The following FAT3 variants were observed in gnomAD, a reference collection of about 807,000 sequenced individuals.
FAT3 encodes the protein protocadherin Fat 3.
A neutral mutation model predicts 310.2 loss-of-function variants in FAT3; 95 were observed. That is an observed-to-expected ratio of 0.31 (90% confidence interval 0.26 to 0.36). The LOEUF is 0.36. FAT3 is among the 10% of genes least tolerant of loss of function. The pLI is 1.00. For synonymous variants in FAT3, 2,314 were observed against 2,192.9 expected (o/e 1.06, Z -1.54); for missense variants, 5,408 against 5,715.6 (o/e 0.95, Z 1.74).
At chr11:92,566,884 A>C (rs1197300455) in intron 3 of FAT3, among the ~76,000 whole-genome samples, 1 of 152,214 alleles carries the variant, frequency 6.6e-6, no homozygotes, top group Non-Finnish European at 1.5e-5. Flanking sequence ...ACAAAAATCA[A>C]TTCAAGATGG....
chr11:92,810,811 A>G (rs1947649091), intron 13 of FAT3, among the ~76,000 whole-genome samples: 2 of 152,200 alleles, frequency 1.3e-5, no homozygotes, highest in East Asian at 1.9e-4. Context: ...ATGATGGAAT[A>G]TAAATACAAA....
chr11:92,665,205 C>T (rs1045263779), intron 3 of FAT3, among the ~76,000 whole-genome samples: 4 of 152,182 alleles, frequency 2.6e-5, no homozygotes, highest in East Asian at 1.9e-4. Flanking sequence ...CACAAATGCA[C>T]GTTGGCATTT....
chr11:92,275,479 C>A (rs1946245775), intron 1 of FAT3, among the ~76,000 whole-genome samples: 1 of 151,916 alleles, frequency 6.6e-6, no homozygotes, highest in South Asian at 2.1e-4. Context: ...TAAGAATAAG[C>A]ATGCTTATTC....
intron 4 of FAT3, among the ~76,000 whole-genome samples, chr11:92,712,934 T>G (rs938572109): frequency 2.6e-5 from 4 of 152,234 alleles, no homozygotes; most frequent in Non-Finnish European, 5.9e-5. Flanking sequence ...GCTTAATAAA[T>G]GGTGTTATCT....
At chr11:92,424,069 G>C (rs750398925) in intron 2 of FAT3, among the ~76,000 whole-genome samples, 1 of 151,882 alleles carries the variant, frequency 6.6e-6, no homozygotes, top group Non-Finnish European at 1.5e-5. Context: ...GTTTTGTTTT[G>C]TTTTGTTTTG....
chr11:92,768,733 T>A (rs145873475), intron 6 of FAT3, among the ~76,000 whole-genome samples: 43 of 152,296 alleles, frequency 2.8e-4, no homozygotes, highest in African/African-American at 9.4e-4. Context: ...ATGCCTGGAA[T>A]AGGCACTAGG....
At chr11:92,806,757 G>C (rs1273129744) in intron 12 of FAT3, among the ~76,000 whole-genome samples, 1 of 152,180 alleles carries the variant, frequency 6.6e-6, no homozygotes, top group Non-Finnish European at 1.5e-5. Flanking sequence ...CCAAAAATAA[G>C]AGACCCAAAG....
At chr11:92,378,703 A>C (rs1312367534) in intron 2 of FAT3, among the ~76,000 whole-genome samples, 3 of 152,230 alleles carry the variant, frequency 2.0e-5, no homozygotes, top group Non-Finnish European at 4.4e-5. Flanking sequence ...TTGCTATAAC[A>C]GAATACCATA....
intron 3 of FAT3, among the ~76,000 whole-genome samples, chr11:92,618,543 C>A (rs1377857641): frequency 6.6e-6 from 1 of 152,198 alleles, no homozygotes; most frequent in African/African-American, 2.4e-5. Context: ...AGAAATCACC[C>A]GTCTTTTGCG....
chr11:92,479,102 A>G (rs971235895), intron 2 of FAT3, among the ~76,000 whole-genome samples: 2 of 151,328 alleles, frequency 1.3e-5, no homozygotes, highest in Non-Finnish European at 2.9e-5. Context: ...CCCAGGCTCA[A>G]ACAATCCACC....
chr11:92,448,338 C>T (rs1444252776), intron 2 of FAT3, among the ~76,000 whole-genome samples: 1 of 151,940 alleles, frequency 6.6e-6, no homozygotes, highest in Non-Finnish European at 1.5e-5. Flanking sequence ...ATGTGCATTT[C>T]TATTTAAGAG....
intron 3 of FAT3, among the ~76,000 whole-genome samples, chr11:92,637,380 G>A (rs1941802528): frequency 6.6e-6 from 1 of 152,130 alleles, no homozygotes; most frequent in Non-Finnish European, 1.5e-5. Context: ...GGCTAAGAGG[G>A]GGTCAGGAAG....
intron 1 of FAT3, among the ~76,000 whole-genome samples, chr11:92,244,098 A>C (rs1864788818): frequency 6.6e-6 from 1 of 152,068 alleles, no homozygotes; most frequent in African/African-American, 2.4e-5. Context: ...TTTAGAAGAG[A>C]ACTTTGAAGT....
chr11:92,291,686 C>T (rs1192477355), intron 1 of FAT3, among the ~76,000 whole-genome samples: 2 of 152,122 alleles, frequency 1.3e-5, no homozygotes, highest in African/African-American at 4.8e-5. Flanking sequence ...CTACTCTGAT[C>T]ACCAAAATCA....
chr11:92,474,433 T>G (rs1941440), intron 2 of FAT3, among the ~76,000 whole-genome samples: 15,708 of 151,630 alleles, frequency 0.1, 1,321 homozygotes, highest in African/African-American at 0.24. Context: ...GGCTTGGGAG[T>G]GGTAGGAAGG....
Position 92,355,169 on chromosome 11 carries a change from C to G in FAT3, c.3057C>G (p.Val1019=). The G allele has an allele frequency of 6.2e-7, 1 of 1,613,836 alleles. No individual in the cohort carries two copies. Among genetic ancestry groups the G allele is most frequent in the Non-Finnish European group, 8.5e-7 (1 of 1,179,856 alleles). ...GGGCCAAAGACAAAGGGCGGCCTGT[C>G]TCTCTGTCATCTGTTTCCTTTGTTG... ...TVRAKDKGRP[V]SLSSVSFVEV... is the part of the protein sequence containing the mutation. Residue 1019 remains valine (V), a synonymous_variant, in exon 2 of 28, where the codon GTC becomes GTG. Coordinates refer to ENST00000525166, the MANE Select transcript of FAT3 (RefSeq NM_001367949.2).
At chr11:92,498,339 G>T in intron 2 of FAT3, 1 of 238,036 alleles carries the variant, frequency 4.2e-6, no homozygotes, top group South Asian at 7.3e-5. Context: ...AGATCGGCAA[G>T]CCTTTTCTTT....
intron 2 of FAT3, among the ~76,000 whole-genome samples, chr11:92,384,299 T>C (rs2134777812): frequency 6.6e-6 from 1 of 152,322 alleles, no homozygotes; most frequent in South Asian, 2.1e-4. Context: ...TTAATAAGTG[T>C]GTCTGTTCTT....
intron 22 of FAT3, among the ~76,000 whole-genome samples, chr11:92,872,511 C>T (rs1949413998): frequency 6.6e-6 from 1 of 152,170 alleles, no homozygotes; most frequent in Non-Finnish European, 1.5e-5. Context: ...TGACTGTCTT[C>T]TAAATGCTGA....
Sources: allele counts gnomAD v4.1 joint callset (sites outside exome capture counted in the v4.1 genomes callset), GRCh38; gene constraint gnomAD v4.1.1; transcripts MANE v1.5; gene names NCBI Gene and HGNC (gene_info 2026-07-23, HGNC 2026-07-21).